Variants in IGSF21 observed in about 807,000 individuals in gnomAD.
IGSF21 encodes immunoglobin superfamily member 21.
IGSF21 carries 28 observed loss-of-function variants against 46.8 expected under a neutral mutation model. The observed-to-expected ratio is 0.60, with a 90% CI of 0.44 to 0.82. The LOEUF (loss-of-function observed/expected upper bound fraction) is 0.82, where lower values mean the gene tolerates loss of function less well. Ranked by LOEUF, IGSF21 falls within the 40% of genes least tolerant of loss-of-function variation. The probability of loss-of-function intolerance (pLI) is 0.00; values close to 1 mark genes in which losing one functional copy is unlikely to be tolerated. For synonymous variants in IGSF21, 284 were observed against 273.6 expected (o/e 1.04, Z -0.38); for missense variants, 624 against 665.5 (o/e 0.94, Z 0.69).
At chr1:18,372,453 T>G (rs12737621) in intron 6 of IGSF21, among the ~76,000 whole-genome samples, 60,836 of 151,978 alleles carry the variant, frequency 0.4, 12,330 homozygotes, top group Admixed American at 0.46. Context: ...GGGTAGGCAC[T>G]TGGATGGATT....
chr1:18,238,038 T>C (rs2084689415), intron 2 of IGSF21, among the ~76,000 whole-genome samples: 1 of 152,012 alleles, frequency 6.6e-6, no homozygotes, highest in African/African-American at 2.4e-5. Flanking sequence ...ATATGCCTAA[T>C]ATGTTGTGTG....
chr1:18,200,878 C>T (rs1194966696), intron 1 of IGSF21, among the ~76,000 whole-genome samples: 1 of 152,122 alleles, frequency 6.6e-6, no homozygotes, highest in Non-Finnish European at 1.5e-5. Context: ...TGATTTTACC[C>T]CAGCCCCATG....
At chr1:18,331,223 C>A (rs928864078) in intron 3 of IGSF21, among the ~76,000 whole-genome samples, 2 of 152,072 alleles carry the variant, frequency 1.3e-5, no homozygotes, top group African/African-American at 4.8e-5. Flanking sequence ...GAGCAGTATG[C>A]CCTATCCCAA....
chr1:18,201,645 C>T (rs530937347), intron 1 of IGSF21, among the ~76,000 whole-genome samples: 1 of 152,132 alleles, frequency 6.6e-6, no homozygotes, highest in African/African-American at 2.4e-5. Context: ...CCTGCTCTCC[C>T]TTCTAAGGGA....
intron 4 of IGSF21, 126 bp from the exon 5 acceptor site, chr1:18,361,989 T>C: frequency 1.6e-6 from 1 of 637,930 alleles, no homozygotes; most frequent in Non-Finnish European, 2.8e-6. Context: ...CCCCTGGAGT[T>C]TGGCAACACC....
chr1:18,158,922 G>C (rs1452131041), intron 1 of IGSF21, among the ~76,000 whole-genome samples: 1 of 152,216 alleles, frequency 6.6e-6, no homozygotes, highest in African/African-American at 2.4e-5. Flanking sequence ...AGAGTCTGGA[G>C]ATGGGCGTTA....
intron 1 of IGSF21, among the ~76,000 whole-genome samples, chr1:18,139,713 A>G (rs116144130): frequency 0.027 from 4,054 of 152,166 alleles, 83 homozygotes; most frequent in Middle Eastern, 0.14. Context: ...CTCATCTGTG[A>G]GATGGGGTTA....
chr1:18,198,922 C>T (rs2087037595), intron 1 of IGSF21, among the ~76,000 whole-genome samples: 1 of 151,868 alleles, frequency 6.6e-6, no homozygotes, highest in Non-Finnish European at 1.5e-5. Flanking sequence ...TGCCCAGATG[C>T]CCCCCCAAAG....
chr1:18,355,398 C>T (rs1379603541), intron 4 of IGSF21, among the ~76,000 whole-genome samples: 8 of 152,134 alleles, frequency 5.3e-5, no homozygotes, highest in Admixed American at 1.3e-4. Context: ...TTCATAAAAC[C>T]GATCATCCAA....
chr1:18,317,794 G>C (rs149583745), intron 3 of IGSF21, among the ~76,000 whole-genome samples: 1 of 152,192 alleles, frequency 6.6e-6, no homozygotes, highest in Non-Finnish European at 1.5e-5. Context: ...TGCTAACTAC[G>C]GGGCAGGCAC....
chr1:18,244,983 C>T (rs2084770917), intron 2 of IGSF21, among the ~76,000 whole-genome samples: 1 of 152,162 alleles, frequency 6.6e-6, no homozygotes, highest in Non-Finnish European at 1.5e-5. Context: ...TTCCTCATCT[C>T]ATGTAATGAA....
At chr1:18,173,305 C>T (rs541544716) in intron 1 of IGSF21, among the ~76,000 whole-genome samples, 26 of 152,246 alleles carry the variant, frequency 1.7e-4, no homozygotes, top group Non-Finnish European at 3.1e-4. Context: ...AAAACAACAA[C>T]GACAAAAAAT....
intron 1 of IGSF21, among the ~76,000 whole-genome samples, chr1:18,207,790 A>C (rs1439810419): frequency 1.3e-5 from 2 of 152,104 alleles, no homozygotes; most frequent in Admixed American, 6.5e-5. Flanking sequence ...CTCCCACCAG[A>C]CCAGTCCATG....
intron 2 of IGSF21, among the ~76,000 whole-genome samples, chr1:18,239,789 A>T (rs2084708550): frequency 7.3e-6 from 1 of 137,862 alleles, no homozygotes; most frequent in Non-Finnish European, 1.6e-5. Flanking sequence ...TTCCCCATCC[A>T]TTTTTCCCCC....
At chr1:18,291,290 C>T (rs1569739794) in intron 2 of IGSF21, among the ~76,000 whole-genome samples, 1 of 152,316 alleles carries the variant, frequency 6.6e-6, no homozygotes. Context: ...CCTGGCCCAT[C>T]CCAAGACGAG....
At chr1:18,252,287 G>A (rs939219455) in intron 2 of IGSF21, among the ~76,000 whole-genome samples, 4 of 151,802 alleles carry the variant, frequency 2.6e-5, no homozygotes, top group African/African-American at 4.8e-5. Context: ...CTGACCTCGC[G>A]ATCCACCCAC....
At chr1:18,211,632 T>G (rs2084392260) in intron 1 of IGSF21, among the ~76,000 whole-genome samples, 1 of 152,258 alleles carries the variant, frequency 6.6e-6, no homozygotes, top group African/African-American at 2.4e-5. Flanking sequence ...TATGAGGCAT[T>G]ATTATTTAAT....
In IGSF21 at chr1:18,365,982, C is replaced by G. The variant is rs116024358; in HGVS notation, c.1015+285C>G. ...GGATAGGGTCAGGGACACAGGAGATCAGGGGAGGTCAGAGGAGTTCCTGGA... is the reference window on the plus strand; with the variant it reads ...GGATAGGGTCAGGGACACAGGAGATGAGGGGAGGTCAGAGGAGTTCCTGGA... On this transcript the variant is annotated intron_variant, in intron 6 of 9. Coordinates refer to ENST00000251296, the MANE Select transcript of IGSF21 (RefSeq NM_032880.5). The surrounding 1 kb of genome is among the most constrained non-coding windows in gnomAD (Gnocchi z 4.8). Among the ~76,000 whole-genome samples the G allele has an allele frequency of 1.9e-3, 292 of 152,028 alleles. No individual in the cohort carries two copies. Among genetic ancestry groups the G allele is most frequent in the African/African-American group, 6.6e-3 (272 of 41,430 alleles).
At chr1:18,284,695 A>G (rs1457038528) in intron 2 of IGSF21, among the ~76,000 whole-genome samples, 1 of 152,186 alleles carries the variant, frequency 6.6e-6, no homozygotes, top group Non-Finnish European at 1.5e-5. Context: ...GTCCCTTTCT[A>G]GCCCTCATTG....
Sources: allele counts gnomAD v4.1 joint callset (sites outside exome capture counted in the v4.1 genomes callset), GRCh38; gene constraint gnomAD v4.1.1; non-coding constraint Gnocchi (gnomAD v3.1); transcripts MANE v1.5; gene names NCBI Gene and HGNC (gene_info 2026-07-23, HGNC 2026-07-21).